Variants in SLC25A21 observed in about 807,000 individuals in gnomAD.
SLC25A21 encodes the protein mitochondrial 2-oxodicarboxylate carrier.
In SLC25A21, 47 loss-of-function variants were observed where a neutral mutation model predicts 43.8. That is an observed-to-expected ratio of 1.07 (90% CI 0.85 to 1.37). The LOEUF (loss-of-function observed/expected upper bound fraction) is 1.37. Ranked by LOEUF, SLC25A21 falls within the 40% of genes most tolerant of loss-of-function variation. The pLI is 0.00. For missense variants in SLC25A21, 352 were observed against 350.2 expected (o/e 1.00, Z -0.04); for synonymous variants, 131 against 121.3 (o/e 1.08, Z -0.52).
chr14:36,769,184 T>A (rs965094223), intron 3 of SLC25A21, among the ~76,000 whole-genome samples: 3 of 152,202 alleles, frequency 2.0e-5, no homozygotes, highest in Non-Finnish European at 4.4e-5. Flanking sequence ...GGCAGTGTGA[T>A]CACGGGGCTC....
At chr14:36,745,435 G>C (rs1037875922) in intron 3 of SLC25A21, among the ~76,000 whole-genome samples, 3 of 152,004 alleles carry the variant, frequency 2.0e-5, no homozygotes, top group Non-Finnish European at 4.4e-5. Flanking sequence ...TTCCACAATG[G>C]TTGAACTAAT....
intron 1 of SLC25A21, among the ~76,000 whole-genome samples, chr14:37,046,888 C>A (rs749937843): frequency 9.9e-5 from 15 of 152,154 alleles, no homozygotes; most frequent in Admixed American, 9.2e-4. Context: ...CCACATAACA[C>A]CCCTGGTTCC....
chr14:36,810,370 G>A (rs771121424), intron 3 of SLC25A21, among the ~76,000 whole-genome samples: 11 of 152,202 alleles, frequency 7.2e-5, no homozygotes, highest in Middle Eastern at 3.4e-3. Context: ...TTCAATTCAG[G>A]GATATCTGTT....
chr14:37,061,137 G>C (rs1961939742), intron 1 of SLC25A21, among the ~76,000 whole-genome samples: 1 of 152,170 alleles, frequency 6.6e-6, no homozygotes, highest in Non-Finnish European at 1.5e-5. Flanking sequence ...AACAGTCCCT[G>C]AACTTTCCAT....
intron 1 of SLC25A21, among the ~76,000 whole-genome samples, chr14:36,888,479 G>A (rs1208716477): frequency 1.3e-5 from 2 of 151,928 alleles, no homozygotes; most frequent in South Asian, 2.1e-4. Flanking sequence ...ATTAAGCAAT[G>A]AGAGCAAATT....
intron 2 of SLC25A21, among the ~76,000 whole-genome samples, chr14:36,870,038 G>A (rs940314272): frequency 6.6e-6 from 1 of 152,008 alleles, no homozygotes; most frequent in Admixed American, 6.5e-5. Flanking sequence ...AAAATATGAG[G>A]CAATAATTAA....
intron 5 of SLC25A21, among the ~76,000 whole-genome samples, chr14:36,729,028 T>C (rs1884712026): frequency 6.6e-6 from 1 of 152,232 alleles, no homozygotes; most frequent in Non-Finnish European, 1.5e-5. Context: ...TCTCCTTAGC[T>C]GAGTTGTTTA....
intron 7 of SLC25A21, among the ~76,000 whole-genome samples, chr14:36,710,299 G>A (rs570266431): frequency 2.6e-5 from 4 of 152,026 alleles, no homozygotes; most frequent in Admixed American, 1.3e-4. Context: ...CTTGAACTCC[G>A]GAGGCGGAGG....
chr14:36,830,476 C>A (rs1428537418), intron 2 of SLC25A21, among the ~76,000 whole-genome samples: 6 of 151,144 alleles, frequency 4.0e-5, no homozygotes, highest in African/African-American at 1.5e-4. Context: ...TTTTTTTTCT[C>A]TAATTATTGT....
chr14:36,810,219 T>C (rs1402534360), intron 3 of SLC25A21, among the ~76,000 whole-genome samples: 1 of 152,152 alleles, frequency 6.6e-6, no homozygotes, highest in Non-Finnish European at 1.5e-5. Flanking sequence ...ACATACAGTA[T>C]AGAAAAAGGC....
chr14:36,909,213 G>A (rs1891617681), intron 1 of SLC25A21, among the ~76,000 whole-genome samples: 1 of 152,146 alleles, frequency 6.6e-6, no homozygotes, highest in South Asian at 2.1e-4. Context: ...GACACTTTGA[G>A]TACGAGGGGT....
At chr14:36,861,062 C>A (rs1039019579) in intron 2 of SLC25A21, among the ~76,000 whole-genome samples, 16 of 152,188 alleles carry the variant, frequency 1.1e-4, no homozygotes, top group African/African-American at 3.9e-4. Context: ...TATCATCTTG[C>A]AAACTTCTTC....
intron 3 of SLC25A21, among the ~76,000 whole-genome samples, chr14:36,737,177 T>C (rs1397524255): frequency 1.3e-5 from 2 of 152,226 alleles, no homozygotes; most frequent in Admixed American, 6.5e-5. Flanking sequence ...GAATCTGCCA[T>C]ACCTTAGACT....
chr14:36,987,395 T>C (rs1190817143), intron 1 of SLC25A21, among the ~76,000 whole-genome samples: 1 of 152,162 alleles, frequency 6.6e-6, no homozygotes, highest in Non-Finnish European at 1.5e-5. Flanking sequence ...ATTAAAATAA[T>C]ACATGATCAT....
chr14:37,107,139 A>AT (rs923563691), intron 1 of SLC25A21, among the ~76,000 whole-genome samples: 2 of 151,804 alleles, frequency 1.3e-5, no homozygotes, highest in Non-Finnish European at 2.9e-5. Flanking sequence ...AATTATTACT[A>AT]TTTTTTTTAA....
chr14:37,098,697 T>TTAGA lies in SLC25A21; in HGVS notation c.70+73580_70+73583dup, dbSNP rs139250576. 401 of 117,206 alleles carry TTAGA rather than the reference T, an allele frequency of 3.4e-3. 6 individuals carry two copies. Among genetic ancestry groups the TTAGA allele is most frequent in the African/African-American group, 0.01 (351 of 34,916 alleles). 7.3% of individuals were successfully genotyped at this position (117,206 alleles called of 1,614,324 possible). ...CTAATTGATTCTCCTTATAGGACGATTAGATAGATAGATAGATAGATAGAT... is the reference window on the plus strand; with the variant it reads ...CTAATTGATTCTCCTTATAGGACGATTAGATAGATAGATAGATAGATAGATAGAT... On this transcript the variant is annotated intron_variant, in intron 1 of 9. Transcript: ENST00000331299.
chr14:36,900,670 T>A (rs1891373237), intron 1 of SLC25A21, among the ~76,000 whole-genome samples: 1 of 152,226 alleles, frequency 6.6e-6, no homozygotes, highest in Non-Finnish European at 1.5e-5. Context: ...ATGAAATGGC[T>A]TGAGTTTTAA....
chr14:36,820,790 T>C (rs1000679606), intron 2 of SLC25A21, among the ~76,000 whole-genome samples: 9 of 152,180 alleles, frequency 5.9e-5, no homozygotes, highest in Non-Finnish European at 1.0e-4. Context: ...TAAGTGGTGA[T>C]GAGCCTAACG....
intron 1 of SLC25A21, among the ~76,000 whole-genome samples, chr14:37,025,181 G>T (rs1961067521): frequency 6.6e-6 from 1 of 152,104 alleles, no homozygotes; most frequent in South Asian, 2.1e-4. Flanking sequence ...AAAAATCTAA[G>T]TTTGAGTCTG....
Sources: gnomAD v4.1 joint callset for allele counts (sites outside exome capture counted in the v4.1 genomes callset) on GRCh38, gnomAD v4.1.1 for gene constraint, MANE v1.5 for transcripts, NCBI Gene and HGNC (gene_info 2026-07-23, HGNC 2026-07-21) for gene names.